Variants in CENPW observed in about 807,000 individuals in gnomAD.
CENPW encodes the protein cancer-up-regulated gene 2 protein.
CENPW carries 3 observed loss-of-function variants against 11.1 expected under a neutral mutation model. That is an observed-to-expected ratio of 0.27 (90% CI 0.12 to 0.70). The LOEUF (loss-of-function observed/expected upper bound fraction) is 0.70. CENPW is among the 30% of genes least tolerant of loss of function. The pLI is 0.77. For synonymous variants in CENPW, 38 were observed against 42.0 expected, an observed-to-expected ratio of 0.91 and a Z score of 0.37; for missense variants, 100 against 105.6, an observed-to-expected ratio of 0.95 and a Z score of 0.23.
the CENPW span, among the ~76,000 whole-genome samples, chr6:126,385,256 G>T: frequency 1.3e-5 from 2 of 152,098 alleles, no homozygotes; most frequent in African/African-American, 4.8e-5. Flanking sequence ...CCATTACTGG[G>T]TATATACCCA....
At chr6:126,379,469 TG>T in the CENPW span, among the ~76,000 whole-genome samples, 8 of 152,192 alleles carry the variant, frequency 5.3e-5, no homozygotes, top group Non-Finnish European at 1.2e-4. Flanking sequence ...GGAAAGATAT[TG>T]GCCTCCAGGG....
At chr6:126,478,157 G>A in the CENPW span, among the ~76,000 whole-genome samples, 1 of 151,876 alleles carries the variant, frequency 6.6e-6, no homozygotes. Context: ...TTACACCAAA[G>A]CTATTTCTTT....
the CENPW span, among the ~76,000 whole-genome samples, chr6:126,366,591 A>G: frequency 3.9e-4 from 60 of 152,318 alleles, no homozygotes; most frequent in African/African-American, 1.3e-3. Flanking sequence ...TCTGAATTTT[A>G]AAATATATAT....
chr6:126,456,855 C>CA, the CENPW span, among the ~76,000 whole-genome samples: 1 of 150,766 alleles, frequency 6.6e-6, no homozygotes, highest in African/African-American at 2.4e-5. Context: ...AATTAACAAG[C>CA]AAAAAACAAC....
chr6:126,368,040 G>A, the CENPW span, among the ~76,000 whole-genome samples: 1 of 152,270 alleles, frequency 6.6e-6, no homozygotes, highest in African/African-American at 2.4e-5. Context: ...GGAAGTGGGT[G>A]ATTTAGGTTT....
intron 2 of CENPW, 84 bp from the exon 3 acceptor site, chr6:126,348,382 C>A: frequency 2.6e-6 from 2 of 773,686 alleles, no homozygotes; most frequent in South Asian, 1.5e-5. Flanking sequence ...TATTATGCAC[C>A]CAGGACTATT....
At chr6:126,437,278 C>T in the CENPW span, among the ~76,000 whole-genome samples, 1 of 151,884 alleles carries the variant, frequency 6.6e-6, no homozygotes, top group Non-Finnish European at 1.5e-5. Flanking sequence ...AGCCAGTTTA[C>T]ACTTAGATAT....
the CENPW span, among the ~76,000 whole-genome samples, chr6:126,458,181 C>T: frequency 6.6e-6 from 1 of 151,236 alleles, no homozygotes; most frequent in South Asian, 2.1e-4. Context: ...CTGTTTTAAT[C>T]CAATTCTCCA....
chr6:126,466,909 C>T, the CENPW span, among the ~76,000 whole-genome samples: 30 of 152,060 alleles, frequency 2.0e-4, no homozygotes, highest in South Asian at 6.2e-4. Context: ...AAGAATAAAA[C>T]ACCTAGGAAT....
the CENPW span, among the ~76,000 whole-genome samples, chr6:126,416,665 G>T: frequency 6.6e-6 from 1 of 152,166 alleles, no homozygotes; most frequent in Non-Finnish European, 1.5e-5. Flanking sequence ...TAGAGGTCAG[G>T]CCATGGCTTC....
the CENPW span, among the ~76,000 whole-genome samples, chr6:126,385,256 G>A: frequency 9.9e-5 from 15 of 152,098 alleles, no homozygotes; most frequent in East Asian, 1.9e-4. Context: ...CCATTACTGG[G>A]TATATACCCA....
At chr6:126,455,051 G>A in the CENPW span, among the ~76,000 whole-genome samples, 1 of 150,944 alleles carries the variant, frequency 6.6e-6, no homozygotes, top group African/African-American at 2.4e-5. Context: ...GACCAATAAC[G>A]AGTTCCAAAA....
At chr6:126,411,244 G>A in the CENPW span, among the ~76,000 whole-genome samples, 1 of 152,190 alleles carries the variant, frequency 6.6e-6, no homozygotes, top group South Asian at 2.1e-4. Flanking sequence ...TTCTTCAGCT[G>A]TGTCCAATAT....
At chr6:126,442,513 C>T in the CENPW span, among the ~76,000 whole-genome samples, 5 of 151,298 alleles carry the variant, frequency 3.3e-5, no homozygotes, top group African/African-American at 1.2e-4. Context: ...CTGCTTGCTA[C>T]CTCTATTAAT....
chr6:126,446,422 C>T, the CENPW span, among the ~76,000 whole-genome samples: 227 of 146,410 alleles, frequency 1.6e-3, 1 homozygote, highest in East Asian at 0.019. Flanking sequence ...ACTTTTAATC[C>T]TTACTTGTTA....
At chr6:126,459,199 C>T in the CENPW span, among the ~76,000 whole-genome samples, 1 of 151,354 alleles carries the variant, frequency 6.6e-6, no homozygotes, top group Admixed American at 6.6e-5. Flanking sequence ...TGCTATTCTC[C>T]ATTCCGATTT....
At chr6:126,470,211 C>A in the CENPW span, among the ~76,000 whole-genome samples, 1 of 152,202 alleles carries the variant, frequency 6.6e-6, no homozygotes, top group African/African-American at 2.4e-5. Context: ...GGCCCAGGTG[C>A]CTGCTCCTCT....
the CENPW span, among the ~76,000 whole-genome samples, chr6:126,405,516 A>AT: frequency 1.1e-4 from 16 of 151,152 alleles, no homozygotes; most frequent in South Asian, 4.2e-4. Flanking sequence ...AAATTTAAGG[A>AT]TTTTTTTTTC....
the CENPW span, among the ~76,000 whole-genome samples, chr6:126,467,218 C>T: frequency 1.3e-5 from 2 of 152,072 alleles, no homozygotes; most frequent in South Asian, 2.1e-4. Context: ...AAGCTGAAGG[C>T]ATCAAGTTAC....
Sources: allele counts gnomAD v4.1 joint callset (sites outside exome capture counted in the v4.1 genomes callset), GRCh38; gene constraint gnomAD v4.1.1; transcripts MANE v1.5; gene names NCBI Gene and HGNC (gene_info 2026-07-23, HGNC 2026-07-21).